Variants in NOXRED1 observed in about 807,000 individuals in gnomAD.
NOXRED1 encodes NADP dependent oxidoreductase domain containing 1, also known as NADP-dependent oxidoreductase domain-containing protein 1.
In NOXRED1, 20 loss-of-function variants were observed where a neutral mutation model predicts 30.4. The ratio of observed to expected loss-of-function variants is 0.66; its 90% CI spans 0.46 to 0.96. The LOEUF (loss-of-function observed/expected upper bound fraction) is 0.96. Among genes scored for constraint, NOXRED1 ranks in the 40% least tolerant of loss-of-function variants. The pLI is 0.00. For missense variants in NOXRED1, 374 were observed against 428.0 expected, an observed-to-expected ratio of 0.87 and a Z score of 1.11; for synonymous variants, 155 against 168.0, an observed-to-expected ratio of 0.92 and a Z score of 0.60.
Position 77,407,640 on chromosome 14 carries a change from G to A in NOXRED1, c.355C>T (p.Leu119Phe), listed in dbSNP as rs139569779. Reference sequence around the variant, plus strand: ...AAGCATTTGATTCCCAGCTTCTGGAGCTCACCTGGGAGGGATAAAGGAAGA... The same window carrying A: ...AAGCATTTGATTCCCAGCTTCTGGAACTCACCTGGGAGGGATAAAGGAAGA... ...STRRPETLGE[L>F]QKLGIKCFYH... Residue 119 changes from leucine (L) to phenylalanine (F), a missense_variant, in exon 3 of 6, where the codon CTC becomes TTC. Physicochemically the swap from Leu to Phe is conservative, Grantham distance 22. Coordinates refer to ENST00000380835, the MANE Select transcript of NOXRED1 (RefSeq NM_001113475.3). 51 of 1,613,358 alleles carry A rather than the reference G, an allele frequency of 3.2e-5. No individual in the cohort carries two copies. The African/African-American group carries it at 6.4e-4, about 20-fold the overall frequency.
At chr14:77,395,329 A>G (rs1894154439) in intron 5 of NOXRED1, among the ~76,000 whole-genome samples, 1 of 151,706 alleles carries the variant, frequency 6.6e-6, no homozygotes, top group Admixed American at 6.6e-5. Context: ...GATGGTCTCA[A>G]TCTCCTGACC....
intron 2 of NOXRED1, among the ~76,000 whole-genome samples, chr14:77,407,867 CTTTT>C (rs556726067): frequency 2.8e-4 from 39 of 137,648 alleles, no homozygotes; most frequent in Admixed American, 3.0e-4. Flanking sequence ...TATAATTCAT[CTTTT>C]TTTTTTTTTT....
rs1405810308 is a variant in NOXRED1, at chr14:77,407,470, T to C, written c.525A>G (p.Leu175=). ...IVYSFVAAIP[L]PRLKLLLNHT... is the part of the protein sequence containing the mutation. The stretch of plus-strand genomic sequence containing the variant: ...TTCTCACCCTAACAAGATACCTGGG[T>C]AGTGGGATGGCAGCTACAAAGCTGT... The change falls in exon 3 of 6, where the codon CTA becomes CTG. Residue 175 remains leucine (L), a synonymous_variant. Transcript: ENST00000380835. The C allele has an allele frequency of 6.2e-7, 1 of 1,612,140 alleles. No homozygotes were observed. Among genetic ancestry groups the C allele is most frequent in the South Asian group, 1.1e-5 (1 of 91,034 alleles).
In NOXRED1 at chr14:77,406,772, G is replaced by C; in HGVS notation, c.634C>G (p.Leu212Val). 2.5e-6 allele frequency: 4 copies of C among 1,614,132 alleles called. No individual in the cohort carries two copies. The highest frequency in any genetic ancestry group is 3.4e-6 in the Non-Finnish European group (4 of 1,179,944). ...GCTTGAAGAATCGTAGGATCTTGGA[G>C]AGCAGCTATGACTCCCTTATTGGCC... ...WGANKGVIAA[L>V]QDPTILQATC... The change falls in exon 4 of 6, where the codon CTC (leucine) becomes GTC (valine). Residue 212 changes from leucine to valine, a missense_variant. Leu to Val is a conservative substitution (Grantham distance 32). Coordinates refer to ENST00000380835, the MANE Select transcript of NOXRED1 (RefSeq NM_001113475.3).
At chr14:77,421,969 G>A (rs1299183428) in intron 1 of NOXRED1, among the ~76,000 whole-genome samples, 1 of 151,882 alleles carries the variant, frequency 6.6e-6, no homozygotes, top group African/African-American at 2.4e-5. Flanking sequence ...ATAGGTTTAT[G>A]CATCCTTATC....
At position 77,394,358 on chromosome 14, in the gene NOXRED1, A is replaced by G. The variant is rs1402655359; in HGVS notation, c.*273T>C. On this transcript the variant is annotated 3_prime_UTR_variant, in exon 6 of 6. Transcript: ENST00000380835. ...TAATTTTAGAAGAGAAATAATTTGT[A>G]TTAACAAGACTTTTCTGCGGGAGCA... 1 of 269,480 alleles carries G rather than the reference A, an allele frequency of 3.7e-6. No individual in the cohort carries two copies. 16.7% of individuals were successfully genotyped at this position (269,480 alleles called of 1,614,324 possible).
intron 1 of NOXRED1, among the ~76,000 whole-genome samples, chr14:77,416,446 C>T (rs892995251): frequency 6.6e-6 from 1 of 152,140 alleles, no homozygotes; most frequent in Non-Finnish European, 1.5e-5. Context: ...TAACAAAGCA[C>T]ATCTTGCACC....
chr14:77,413,064 G>A (rs1164899061), intron 2 of NOXRED1, among the ~76,000 whole-genome samples: 2 of 152,090 alleles, frequency 1.3e-5, no homozygotes, highest in South Asian at 2.1e-4. Flanking sequence ...GATATGAAGT[G>A]TACAGTTTGA....
Position 77,422,953 on chromosome 14 carries a change from G to T in NOXRED1, c.-64C>A. 7.1e-7 allele frequency: 1 copy of T among 1,404,866 alleles called. No homozygotes were observed. The highest frequency in any genetic ancestry group is 9.9e-7 in the Non-Finnish European group (1 of 1,011,892). The allele number at this position is 1,404,866 out of a possible 1,614,324, so 87.0% of individuals were successfully genotyped here. On this transcript the variant is annotated 5_prime_UTR_variant, in exon 1 of 6. Coordinates refer to ENST00000380835, the MANE Select transcript of NOXRED1 (RefSeq NM_001113475.3). ...AATTTGGCTCCCTGTCCCGGTAGAA[G>T]AGGGGTCTATGTAGGAGGTGTGTGT... is the stretch of plus-strand genomic sequence containing the variant.
chr14:77,401,173 G>A (rs1355447901), intron 5 of NOXRED1, among the ~76,000 whole-genome samples: 3 of 152,126 alleles, frequency 2.0e-5, no homozygotes, highest in Non-Finnish European at 4.4e-5. Flanking sequence ...AGGAGTTTGA[G>A]ACCAGCCTGG....
At chr14:77,423,989 C>T (rs766945232), upstream of NOXRED1, among the ~76,000 whole-genome samples, 4 of 152,198 alleles carry the variant, frequency 2.6e-5, no homozygotes, top group Non-Finnish European at 5.9e-5. Flanking sequence ...ACTCCCTATC[C>T]CTCCCCACCC....
At chr14:77,405,472 T>C (rs1458923543) in intron 5 of NOXRED1, among the ~76,000 whole-genome samples, 2 of 152,134 alleles carry the variant, frequency 1.3e-5, no homozygotes, top group Non-Finnish European at 1.5e-5. Context: ...GAACTACATC[T>C]CTATCAAGTG....
At chr14:77,399,082 C>A (rs1316595527) in intron 5 of NOXRED1, among the ~76,000 whole-genome samples, 1 of 152,004 alleles carries the variant, frequency 6.6e-6, no homozygotes, top group African/African-American at 2.4e-5. Flanking sequence ...AAAAAACCAC[C>A]AAAACCCACA....
At chr14:77,425,043 T>C (rs1217288395), upstream of NOXRED1, among the ~76,000 whole-genome samples, 1 of 152,206 alleles carries the variant, frequency 6.6e-6, no homozygotes, top group Non-Finnish European at 1.5e-5. Context: ...TTCATTTCCA[T>C]GACAAAGGCC....
chr14:77,410,983 G>A (rs1894633436), intron 2 of NOXRED1, among the ~76,000 whole-genome samples: 1 of 152,112 alleles, frequency 6.6e-6, no homozygotes, highest in African/African-American at 2.4e-5. Context: ...CCATTTCACT[G>A]CCACATATTT....
intron 1 of NOXRED1, among the ~76,000 whole-genome samples, chr14:77,419,019 A>T (rs1209687948): frequency 5.3e-5 from 8 of 149,928 alleles, no homozygotes; most frequent in Middle Eastern, 3.5e-3. Flanking sequence ...AGGCAGGTCC[A>T]GGAGTGATGA....
rs1044168873 is a variant in NOXRED1 at position 77,394,095 on chromosome 14, G to A, written c.*536C>T. ...CCAGTTTTTTAAATGGTTTAAATGG[G>A]AACAGCTGTAAATAAGATAGTACCA... is the stretch of plus-strand genomic sequence containing the variant. On this transcript the variant is annotated 3_prime_UTR_variant, in exon 6 of 6. Transcript: ENST00000380835. The A allele has an allele frequency of 2.6e-5, 4 of 152,210 alleles. No homozygotes were observed. Among genetic ancestry groups the A allele is most frequent in the African/African-American group, 9.6e-5 (4 of 41,514 alleles). The allele number at this position is 152,210 out of a possible 1,614,324, so 9.4% of individuals were successfully genotyped here. A position where few individuals can be genotyped will look rare whatever the true frequency, so the allele number is the denominator to read the frequency against.
In NOXRED1 at chr14:77,407,450, A is replaced by C; in HGVS notation, c.530+15T>G. On this transcript the variant is annotated intron_variant, in intron 3 of 5. Coordinates refer to ENST00000380835, the MANE Select transcript of NOXRED1 (RefSeq NM_001113475.3). The stretch of plus-strand genomic sequence containing the variant: ...GAGCAGTTGTGCCAGTTCCATTCTC[A>C]CCCTAACAAGATACCTGGGTAGTGG... 3 of 1,600,980 alleles carry C rather than the reference A, an allele frequency of 1.9e-6. No homozygotes were observed. The highest frequency in any genetic ancestry group is 1.7e-6 in the Non-Finnish European group (2 of 1,168,614).
In NOXRED1 at chr14:77,422,766, T is replaced by C. The variant is rs1421827364; in HGVS notation, c.124A>G (p.Thr42Ala). Residue 42 changes from threonine to alanine, a missense_variant, in exon 1 of 6, where the codon ACC becomes GCC. Coordinates refer to ENST00000380835, the MANE Select transcript of NOXRED1 (RefSeq NM_001113475.3). Reference protein sequence around the residue: ...GLMIEACAHATFFCKLLYNLR... With the variant: ...GLMIEACAHAAFFCKLLYNLR... ...TTATATAATAGTTTGCAGAAGAAGG[T>C]TGCATGGGCACAAGCCTCGATCATC... 1 of 1,614,024 alleles carries C rather than the reference T, an allele frequency of 6.2e-7. No homozygotes were observed. The highest frequency in any genetic ancestry group is 8.5e-7 in the Non-Finnish European group (1 of 1,180,020).
Sources: gnomAD v4.1 joint callset for allele counts (sites outside exome capture counted in the v4.1 genomes callset) on GRCh38, gnomAD v4.1.1 for gene constraint, MANE v1.5 for transcripts, NCBI Gene and HGNC (gene_info 2026-07-23, HGNC 2026-07-21) for gene names.